Variants in MAK observed in about 807,000 individuals in gnomAD.
MAK encodes the protein male germ cell associated kinase.
A neutral mutation model predicts 82.6 loss-of-function variants in MAK; 65 were observed. The observed-to-expected ratio is 0.79, with a 90% CI of 0.64 to 0.97. MAK has a LOEUF of 0.97. Among genes scored for constraint, MAK ranks in the 50% least tolerant of loss-of-function variants. MAK has a pLI of 0.00. For missense variants in MAK, 703 were observed against 780.2 expected (o/e 0.90, Z 1.18); for synonymous variants, 250 against 274.2 (o/e 0.91, Z 0.87).
At chr6:10,837,014 C>T (rs1779188487) in intron 1 of MAK, among the ~76,000 whole-genome samples, 1 of 152,106 alleles carries the variant, frequency 6.6e-6, no homozygotes, top group African/African-American at 2.4e-5. Flanking sequence ...ACAGCTTTTG[C>T]CAGCTAATAA....
At chr6:10,837,184 A>G (rs1779199916) in intron 1 of MAK, among the ~76,000 whole-genome samples, 1 of 152,254 alleles carries the variant, frequency 6.6e-6, no homozygotes, top group Non-Finnish European at 1.5e-5. Flanking sequence ...CTAATACACA[A>G]CAAAAGAGTA....
At chr6:10,791,259 A>C (rs921208611) in intron 10 of MAK, among the ~76,000 whole-genome samples, 1 of 151,910 alleles carries the variant, frequency 6.6e-6, no homozygotes, top group South Asian at 2.1e-4. Flanking sequence ...ATATTAAGCA[A>C]ATTTTTTTCT....
chr6:10,779,194 G>A (rs1773737008), intron 11 of MAK: 2 of 211,736 alleles, frequency 9.4e-6, no homozygotes, highest in Non-Finnish European at 1.6e-5. Context: ...AGCAGTGGTG[G>A]CATCGATTCA....
intron 10 of MAK, among the ~76,000 whole-genome samples, chr6:10,789,014 A>G (rs1322875009): frequency 6.6e-6 from 1 of 152,100 alleles, no homozygotes; most frequent in Non-Finnish European, 1.5e-5. Flanking sequence ...TAACTACCTT[A>G]TCCATAATAC....
intron 10 of MAK, chr6:10,784,892 G>C (rs1774390275): frequency 1.9e-6 from 1 of 514,818 alleles, no homozygotes; most frequent in Non-Finnish European, 3.8e-6. Flanking sequence ...CTGGTGTGCT[G>C]AGAGGGAAAT....
intron 6 of MAK, among the ~76,000 whole-genome samples, chr6:10,805,997 C>T (rs1223080089): frequency 3.3e-5 from 5 of 152,118 alleles, no homozygotes; most frequent in African/African-American, 2.4e-5. Flanking sequence ...TCGCAGGTAA[C>T]CAGGGCGGAT....
At chr6:10,816,468 T>C (rs1434346743) in intron 4 of MAK, among the ~76,000 whole-genome samples, 1 of 152,194 alleles carries the variant, frequency 6.6e-6, no homozygotes, top group Non-Finnish European at 1.5e-5. Context: ...TGATATTTCA[T>C]GTAAGTATAT....
intron 5 of MAK, among the ~76,000 whole-genome samples, chr6:10,813,305 C>T (rs375112163): frequency 2.1e-5 from 3 of 144,924 alleles, no homozygotes; most frequent in South Asian, 2.2e-4. Context: ...CCCGCCACCA[C>T]GCCCAGCTAA....
At chr6:10,775,277 A>G in intron 12 of MAK, 51 bp downstream of exon 12, 1 of 1,598,692 alleles carries the variant, frequency 6.3e-7, no homozygotes, top group Non-Finnish European at 8.6e-7. Context: ...TTAAAAGTAG[A>G]CCTCTATAAA....
At chr6:10,825,635 C>T (rs1157340538) in intron 2 of MAK, among the ~76,000 whole-genome samples, 1 of 151,770 alleles carries the variant, frequency 6.6e-6, no homozygotes, top group Non-Finnish European at 1.5e-5. Context: ...ACCCCTAAGC[C>T]TGTGATTTTC....
intron 8 of MAK, among the ~76,000 whole-genome samples, chr6:10,797,361 C>T (rs1158571169): frequency 1.3e-5 from 2 of 152,040 alleles, no homozygotes; most frequent in African/African-American, 4.8e-5. Context: ...GCAAGTTTGC[C>T]CCTTGGGAGA....
Position 10,802,031 on chromosome 6 carries a change from G to C in MAK, c.692C>G (p.Ala231Gly). The C allele has an allele frequency of 6.2e-7, 1 of 1,614,042 alleles. No individual in the cohort carries two copies. Among genetic ancestry groups the C allele is most frequent in the Non-Finnish European group, 8.5e-7 (1 of 1,179,954 alleles). ...KSDWPEGYQL[A>G]SSMNFRFPQC... ...GGGAAAACGGAAGTTCATAGAGGAT[G>C]CCAGCTGGTATCCTTCTGGCCAGTC... is the stretch of plus-strand genomic sequence containing the variant. Residue 231 changes from alanine to glycine, a missense_variant, in exon 8 of 15, where the codon GCA becomes GGA. Physicochemically the swap from Ala to Gly is moderately conservative, Grantham distance 60. Transcript: ENST00000354489.
In MAK at chr6:10,800,111, C is replaced by A. The variant is rs538611120; in HGVS notation, c.831+1781G>T. 3.5e-4 allele frequency among the ~76,000 whole-genome samples: 53 copies of A among 151,568 alleles called. No individual in the cohort carries two copies. Among genetic ancestry groups the A allele is most frequent in the African/African-American group, 1.1e-3 (47 of 41,344 alleles). On this transcript the variant is annotated intron_variant, in intron 8 of 14. Coordinates refer to ENST00000354489, the MANE Select transcript of MAK (RefSeq NM_001242957.3). The surrounding 1 kb of genome is among the most constrained non-coding windows in gnomAD (Gnocchi z 4.2). ...AACCCCTCTGGTCTCTACAAAAATACAAAAATAAGCCAAGCGTGGTGGCGG... is the reference window on the plus strand; with the variant it reads ...AACCCCTCTGGTCTCTACAAAAATAAAAAAATAAGCCAAGCGTGGTGGCGG...
At chr6:10,773,641 T>C (rs1773205230) in intron 12 of MAK, among the ~76,000 whole-genome samples, 1 of 152,182 alleles carries the variant, frequency 6.6e-6, no homozygotes, top group African/African-American at 2.4e-5. Flanking sequence ...AAGGATGTTA[T>C]TTCTGACATA....
chr6:10,813,739 C>T lies in MAK; in HGVS notation c.279-16G>A. On this transcript the variant is annotated splice_polypyrimidine_tract_variant and intron_variant, in intron 4 of 14. Transcript: ENST00000354489. Reference sequence around the variant, plus strand: ...CAACTTGTTTCTGTAAAGAAATGAACAGTCACATAATTCTGTTAAGCAACC... The same window carrying T: ...CAACTTGTTTCTGTAAAGAAATGAATAGTCACATAATTCTGTTAAGCAACC... 2.8e-6 allele frequency: 4 copies of T among 1,434,324 alleles called. No homozygotes were observed. The highest frequency in any genetic ancestry group is 3.9e-6 in the Non-Finnish European group (4 of 1,016,596). 88.8% of individuals were successfully genotyped at this position (1,434,324 alleles called of 1,614,324 possible).
intron 10 of MAK, among the ~76,000 whole-genome samples, chr6:10,789,594 T>C (rs1264746686): frequency 6.6e-6 from 1 of 152,190 alleles, no homozygotes; most frequent in Non-Finnish European, 1.5e-5. Flanking sequence ...CATTAATAAC[T>C]AATACTAAAA....
At chr6:10,805,401 C>A (rs1776356907) in intron 6 of MAK, among the ~76,000 whole-genome samples, 1 of 151,956 alleles carries the variant, frequency 6.6e-6, no homozygotes, top group African/African-American at 2.4e-5. Context: ...GCCTGGCCAA[C>A]ATGGTGAAAC....
chr6:10,823,274 A>C, intron 2 of MAK, among the ~76,000 whole-genome samples: 1 of 152,280 alleles, frequency 6.6e-6, no homozygotes, highest in East Asian at 1.9e-4. Flanking sequence ...GTTAAATTCC[A>C]TATGGAACTT....
chr6:10,801,223 TAAAA>T (rs1246770864), intron 8 of MAK, among the ~76,000 whole-genome samples: 1 of 152,190 alleles, frequency 6.6e-6, no homozygotes, highest in Admixed American at 6.5e-5. Flanking sequence ...AGATTAATTT[TAAAA>T]AAAGCAAAAT....
Sources: allele counts gnomAD v4.1 joint callset (sites outside exome capture counted in the v4.1 genomes callset), GRCh38; gene constraint gnomAD v4.1.1; non-coding constraint Gnocchi (gnomAD v3.1); transcripts MANE v1.5; gene names NCBI Gene and HGNC (gene_info 2026-07-23, HGNC 2026-07-21).